ADGRA3: variants seen among roughly 807,000 people sequenced by gnomAD.
ADGRA3 encodes the protein G-protein coupled receptor 125.
In ADGRA3, 56 loss-of-function variants were observed where a neutral mutation model predicts 119.8. That is an observed-to-expected ratio of 0.47 (90% CI 0.38 to 0.58). ADGRA3 has a LOEUF of 0.58. Among genes scored for constraint, ADGRA3 ranks in the 20% least tolerant of loss-of-function variants. The pLI, the probability that ADGRA3 is intolerant of heterozygous loss-of-function variation, is 0.00. For synonymous variants in ADGRA3, 607 were observed against 623.8 expected (o/e 0.97, Z 0.40); for missense variants, 1,516 against 1,649.0 (o/e 0.92, Z 1.40).
chr4:22,410,343 C>T (rs1363209940), intron 14 of ADGRA3, among the ~76,000 whole-genome samples: 21 of 151,944 alleles, frequency 1.4e-4, no homozygotes, highest in Admixed American at 1.4e-3. Context: ...ATCTTCCTGC[C>T]CCACCTGGCT....
intron 2 of ADGRA3, among the ~76,000 whole-genome samples, chr4:22,466,926 A>G (rs1008259181): frequency 1.3e-5 from 2 of 152,342 alleles, no homozygotes; most frequent in African/African-American, 2.4e-5. Context: ...CACCAAGGCT[A>G]GGAGACAGAA....
At chr4:22,390,091 A>T (rs144666501) in intron 17 of ADGRA3, among the ~76,000 whole-genome samples, 202 of 152,058 alleles carry the variant, frequency 1.3e-3, no homozygotes, top group Non-Finnish European at 2.4e-3. Context: ...TCTATTCCAC[A>T]GATTAGAGAG....
At chr4:22,450,252 C>T (rs1260359111) in intron 4 of ADGRA3, among the ~76,000 whole-genome samples, 2 of 151,390 alleles carry the variant, frequency 1.3e-5, no homozygotes, top group Non-Finnish European at 2.9e-5. Flanking sequence ...CCACCCACCC[C>T]CATCCTTTAT....
At chr4:22,395,585 A>T in intron 16 of ADGRA3, among the ~76,000 whole-genome samples, 1 of 152,182 alleles carries the variant, frequency 6.6e-6, no homozygotes, top group Non-Finnish European at 1.5e-5. Flanking sequence ...TGTCATTCAA[A>T]CTGAAGTTAG....
At chr4:22,394,473 T>C (rs1714272187) in intron 16 of ADGRA3, 1 of 152,106 alleles carries the variant, frequency 6.6e-6, no homozygotes, top group Non-Finnish European at 1.5e-5. Context: ...TAGACAGAAG[T>C]GGAACAGAAA....
intron 12 of ADGRA3, among the ~76,000 whole-genome samples, chr4:22,417,323 A>G (rs1380782383): frequency 6.6e-6 from 1 of 152,192 alleles, no homozygotes; most frequent in African/African-American, 2.4e-5. Flanking sequence ...ATAAAATGCA[A>G]TAAATAAGCT....
intron 2 of ADGRA3, among the ~76,000 whole-genome samples, chr4:22,472,601 T>C (rs1026659): frequency 0.55 from 83,011 of 151,838 alleles, 23,497 homozygotes; most frequent in East Asian, 0.69. Flanking sequence ...AGACATCTGA[T>C]CTAAATGAAA....
At chr4:22,450,848 T>C (rs1335522955) in intron 4 of ADGRA3, among the ~76,000 whole-genome samples, 1 of 151,568 alleles carries the variant, frequency 6.6e-6, no homozygotes, top group Non-Finnish European at 1.5e-5. Flanking sequence ...CATGTTAATA[T>C]GTTGGTAAAT....
At chr4:22,484,513 G>A (rs1317853179) in intron 1 of ADGRA3, among the ~76,000 whole-genome samples, 2 of 151,626 alleles carry the variant, frequency 1.3e-5, no homozygotes, top group South Asian at 4.2e-4. Flanking sequence ...GCTGAAGCAA[G>A]AGAATCGCTT....
At chr4:22,491,235 C>A (rs1718611523) in intron 1 of ADGRA3, among the ~76,000 whole-genome samples, 1 of 152,068 alleles carries the variant, frequency 6.6e-6, no homozygotes, top group Non-Finnish European at 1.5e-5. Flanking sequence ...AATAAAACTC[C>A]AGGGCAGAAG....
intron 3 of ADGRA3, among the ~76,000 whole-genome samples, chr4:22,458,809 T>C (rs1183606722): frequency 4.6e-5 from 7 of 152,142 alleles, no homozygotes; most frequent in East Asian, 1.9e-4. Context: ...ACTTGTTCCA[T>C]TAAAAGTCTT....
At chr4:22,419,404 CCT>C (rs1461431310) in intron 12 of ADGRA3, among the ~76,000 whole-genome samples, 1 of 152,122 alleles carries the variant, frequency 6.6e-6, no homozygotes, top group Non-Finnish European at 1.5e-5. Flanking sequence ...GGGATATGTT[CCT>C]TTTTCATTCA....
rs142690763 is a variant in ADGRA3 at position 22,454,906 on chromosome 4, T to C, written c.433A>G (p.Asn145Asp). 2.9e-5 allele frequency: 47 copies of C among 1,613,396 alleles called. No homozygotes were observed. Among genetic ancestry groups the C allele is most frequent in the Middle Eastern group, 1.7e-4 (1 of 6,060 alleles). The part of the protein sequence containing the change: ...DLTNNRIGCL[N>D]ADIFRGLTNL... ...GTGAGTCCTCGAAATATGTCTGCAT[T>C]CAGACATCCTATTCGATTGTTTGTC... The change falls in exon 4 of 19, where the codon AAT becomes GAT. Residue 145 changes from asparagine (N) to aspartate (D), a missense_variant. By Grantham distance (23) the Asn-to-Asp change is conservative (BLOSUM62 1). This residue lies in a region of ADGRA3 where 428 missense variants were observed against 541.9 expected (regional missense o/e 0.79). Transcript: ENST00000334304.
intron 11 of ADGRA3, among the ~76,000 whole-genome samples, chr4:22,421,628 G>A (rs1420938634): frequency 6.6e-6 from 1 of 152,234 alleles, no homozygotes; most frequent in South Asian, 2.1e-4. Context: ...CTTCAGAAAA[G>A]GAAGACAGAT....
rs759851528 is a variant in ADGRA3 at position 22,388,615 on chromosome 4, A to G, written c.3056T>C (p.Leu1019Ser). ...AAAAACCAAGTCCAAAGGGTAATAC[A>G]AAGAAACAGCCAAAGCCCCAAACAT... ...LWMFGALAVS[L>S]YYPLDLVFSF... Residue 1019 changes from leucine to serine, a missense_variant, in exon 19 of 19, where the codon TTG becomes TCG. Leu to Ser is a moderately radical substitution (Grantham distance 145, BLOSUM62 -2). Transcript: ENST00000334304. 6.2e-7 allele frequency: 1 copy of G among 1,614,136 alleles called. No homozygotes were observed. Among genetic ancestry groups the G allele is most frequent in the South Asian group, 1.1e-5 (1 of 91,082 alleles).
At chr4:22,475,316 T>G (rs1402302330) in intron 1 of ADGRA3, among the ~76,000 whole-genome samples, 1 of 152,222 alleles carries the variant, frequency 6.6e-6, no homozygotes, top group African/African-American at 2.4e-5. Flanking sequence ...TCCTTGGTTC[T>G]AAGACACAGA....
chr4:22,480,318 G>GA (rs1222114562), intron 1 of ADGRA3, among the ~76,000 whole-genome samples: 1 of 152,030 alleles, frequency 6.6e-6, no homozygotes, highest in Non-Finnish European at 1.5e-5. Flanking sequence ...CACAGTGGGG[G>GA]AAAAATGTGA....
chr4:22,466,048 G>C (rs563784086), intron 2 of ADGRA3, among the ~76,000 whole-genome samples: 1 of 152,200 alleles, frequency 6.6e-6, no homozygotes, highest in South Asian at 2.1e-4. Context: ...CATTTGAAGT[G>C]ATCTTTTTAA....
chr4:22,433,400 C>T (rs1223709036), intron 10 of ADGRA3, among the ~76,000 whole-genome samples: 1 of 152,106 alleles, frequency 6.6e-6, no homozygotes, highest in East Asian at 1.9e-4. Context: ...CAAAACTGTT[C>T]GCCTGTATTT....
Sources: allele counts gnomAD v4.1 joint callset (sites outside exome capture counted in the v4.1 genomes callset), GRCh38; gene constraint gnomAD v4.1.1; regional missense constraint gnomAD v4.1.1; transcripts MANE v1.5; gene names NCBI Gene and HGNC (gene_info 2026-07-23, HGNC 2026-07-21).